The following SPOCK3 variants were observed in gnomAD, a reference collection of about 807,000 sequenced individuals.
SPOCK3 encodes SPARC (osteonectin), cwcv and kazal like domains proteoglycan 3.
In SPOCK3, 30 loss-of-function variants were observed where a neutral mutation model predicts 56.6. The observed-to-expected ratio is 0.53, with a 90% CI of 0.40 to 0.72. The LOEUF is 0.72. Among genes scored for constraint, SPOCK3 ranks in the 30% least tolerant of loss-of-function variants. The pLI is 0.00. For missense variants in SPOCK3, 527 were observed against 530.0 expected (o/e 0.99, Z 0.06); for synonymous variants, 196 against 183.3 (o/e 1.07, Z -0.56).
intron 4 of SPOCK3, among the ~76,000 whole-genome samples, chr4:166,996,459 A>C (rs1406226647): frequency 1.3e-5 from 2 of 152,178 alleles, no homozygotes; most frequent in Admixed American, 6.6e-5. Flanking sequence ...GCATCTTCAG[A>C]TCTTTCCCCA....
intron 6 of SPOCK3, among the ~76,000 whole-genome samples, chr4:166,856,716 T>C (rs573004857): frequency 3.3e-5 from 5 of 151,876 alleles, no homozygotes; most frequent in East Asian, 1.9e-4. Flanking sequence ...GGAGGTTGCA[T>C]TGAGCCGAGA....
chr4:166,752,869 G>A (rs1667399271), intron 8 of SPOCK3, among the ~76,000 whole-genome samples: 1 of 151,896 alleles, frequency 6.6e-6, no homozygotes, highest in Admixed American at 6.6e-5. Flanking sequence ...CTAAGCATTA[G>A]AGAAATTGTA....
intron 6 of SPOCK3, among the ~76,000 whole-genome samples, chr4:166,851,108 C>G (rs893399163): frequency 6.6e-6 from 1 of 152,036 alleles, no homozygotes; most frequent in African/African-American, 2.4e-5. Context: ...TCCCAGCACG[C>G]AGCTGGAGAT....
At chr4:166,949,601 T>A (rs1561044493) in intron 4 of SPOCK3, among the ~76,000 whole-genome samples, 2 of 152,088 alleles carry the variant, frequency 1.3e-5, no homozygotes, top group Non-Finnish European at 2.9e-5. Context: ...TTCCTAGAGG[T>A]CCACTCCAGA....
intron 4 of SPOCK3, among the ~76,000 whole-genome samples, chr4:166,937,234 A>G (rs2150008279): frequency 6.6e-6 from 1 of 152,118 alleles, no homozygotes; most frequent in African/African-American, 2.4e-5. Context: ...AGTCGTGACT[A>G]GAAAATAAAT....
chr4:166,933,478 G>C (rs72971662), intron 4 of SPOCK3, among the ~76,000 whole-genome samples: 18,881 of 151,996 alleles, frequency 0.12, 1,804 homozygotes, highest in African/African-American at 0.27. Context: ...CTTTCAGAAA[G>C]TTATGTTTTT....
intron 2 of SPOCK3, among the ~76,000 whole-genome samples, chr4:167,207,984 G>A (rs562403371): frequency 8.5e-5 from 13 of 152,254 alleles, no homozygotes; most frequent in Non-Finnish European, 1.8e-4. Context: ...AGCCTGTTGT[G>A]TAAATGGCCT....
chr4:166,992,007 T>A (rs999123904), intron 4 of SPOCK3, among the ~76,000 whole-genome samples: 1 of 152,282 alleles, frequency 6.6e-6, no homozygotes, highest in African/African-American at 2.4e-5. Context: ...TTAAGTTAAG[T>A]AAATTATGGG....
chr4:166,963,744 G>A (rs1744404352), intron 4 of SPOCK3, among the ~76,000 whole-genome samples: 1 of 151,844 alleles, frequency 6.6e-6, no homozygotes, highest in African/African-American at 2.4e-5. Flanking sequence ...TTATTTGTCA[G>A]TGGGAGGACA....
chr4:166,984,676 T>C (rs990763989), intron 4 of SPOCK3, among the ~76,000 whole-genome samples: 2 of 152,064 alleles, frequency 1.3e-5, no homozygotes, highest in East Asian at 1.9e-4. Context: ...ATTCTCAAGG[T>C]GCATACATGT....
chr4:166,917,336 T>G (rs1009336598), intron 4 of SPOCK3, among the ~76,000 whole-genome samples: 1 of 152,118 alleles, frequency 6.6e-6, no homozygotes, highest in Non-Finnish European at 1.5e-5. Context: ...TTATGCATTA[T>G]ATATTTAACT....
intron 2 of SPOCK3, among the ~76,000 whole-genome samples, chr4:167,116,539 TAA>T (rs1761357005): frequency 2.9e-5 from 4 of 140,050 alleles, no homozygotes; most frequent in Non-Finnish European, 3.1e-5. Context: ...TATATATATA[TAA>T]AAGTATATAT....
At chr4:167,038,662 C>CAA (rs1426579462) in intron 3 of SPOCK3, among the ~76,000 whole-genome samples, 1,098 of 33,884 alleles carry the variant, frequency 0.032, 7 homozygotes, top group Non-Finnish European at 0.044. Context: ...TTTATTTTTT[C>CAA]CAAAAAAAAA....
intron 6 of SPOCK3, among the ~76,000 whole-genome samples, chr4:166,792,497 T>C (rs1352892046): frequency 6.6e-6 from 1 of 152,188 alleles, no homozygotes; most frequent in East Asian, 1.9e-4. Flanking sequence ...GTATTATTAG[T>C]GGAATTCTAC....
chr4:166,783,787 C>G (rs1740432083), intron 7 of SPOCK3, among the ~76,000 whole-genome samples: 3 of 151,998 alleles, frequency 2.0e-5, no homozygotes, highest in Non-Finnish European at 4.4e-5. Flanking sequence ...CTTCTTGATG[C>G]TTTTAAGACA....
chr4:166,979,741 T>C (rs988167936), intron 4 of SPOCK3, among the ~76,000 whole-genome samples: 2 of 152,198 alleles, frequency 1.3e-5, no homozygotes, highest in African/African-American at 4.8e-5. Context: ...TCTCTATTTT[T>C]GTCTTCAATC....
intron 2 of SPOCK3, among the ~76,000 whole-genome samples, chr4:167,219,161 A>G (rs1480829978): frequency 6.6e-6 from 1 of 152,200 alleles, no homozygotes; most frequent in Non-Finnish European, 1.5e-5. Context: ...CCTCAGGGAC[A>G]TCCGAGGAGA....
chr4:167,004,157 A>G (rs1749228301), intron 3 of SPOCK3, among the ~76,000 whole-genome samples: 3 of 152,232 alleles, frequency 2.0e-5, no homozygotes, highest in Admixed American at 2.0e-4. Flanking sequence ...ATTAGAATAC[A>G]TTGTTAAGTG....
At chr4:167,116,530 A>G (rs1252415853) in intron 2 of SPOCK3, among the ~76,000 whole-genome samples, 3 of 138,386 alleles carry the variant, frequency 2.2e-5, no homozygotes, top group African/African-American at 5.2e-5. Flanking sequence ...ACGTATATGT[A>G]TATATATATA....
Sources: allele counts gnomAD v4.1 joint callset (sites outside exome capture counted in the v4.1 genomes callset), GRCh38; gene constraint gnomAD v4.1.1; transcripts MANE v1.5; gene names NCBI Gene and HGNC (gene_info 2026-07-23, HGNC 2026-07-21).